Variants in HPSE2 observed in about 807,000 individuals in gnomAD.
HPSE2 encodes the protein inactive heparanase-2.
In HPSE2, 38 loss-of-function variants were observed where a neutral mutation model predicts 60.5. The observed-to-expected ratio is 0.63, with a 90% CI of 0.48 to 0.82. The LOEUF (loss-of-function observed/expected upper bound fraction) is 0.82, where lower values mean the gene tolerates loss of function less well. Among genes scored for constraint, HPSE2 ranks in the 40% least tolerant of loss-of-function variants. HPSE2 has a pLI of 0.00. For missense variants in HPSE2, 713 were observed against 740.4 expected (o/e 0.96, Z 0.43); for synonymous variants, 295 against 293.2 (o/e 1.01, Z -0.06).
At chr10:99,048,133 G>A in intron 3 of HPSE2, 4 of 938,416 alleles carry the variant, frequency 4.3e-6, no homozygotes, top group Non-Finnish European at 6.7e-6. Context: ...TCAATAAGAA[G>A]CAAATTGCTT....
At chr10:98,791,502 C>A (rs1950654063) in intron 3 of HPSE2, among the ~76,000 whole-genome samples, 1 of 152,066 alleles carries the variant, frequency 6.6e-6, no homozygotes, top group Non-Finnish European at 1.5e-5. Context: ...GGACTTTTTC[C>A]TTATAAGGAA....
At chr10:98,884,507 T>C (rs895397954) in intron 3 of HPSE2, among the ~76,000 whole-genome samples, 6 of 152,152 alleles carry the variant, frequency 3.9e-5, no homozygotes, top group Non-Finnish European at 7.4e-5. Flanking sequence ...GACTTTAAGT[T>C]GAAACCAGTG....
At chr10:98,890,687 G>A (rs1469386964) in intron 3 of HPSE2, among the ~76,000 whole-genome samples, 4 of 152,106 alleles carry the variant, frequency 2.6e-5, no homozygotes, top group African/African-American at 9.7e-5. Context: ...TCCAGGTAAA[G>A]GATAACATTA....
At chr10:98,524,453 G>T (rs1426310473) in intron 9 of HPSE2, among the ~76,000 whole-genome samples, 1 of 49,302 alleles carries the variant, frequency 2.0e-5, no homozygotes, top group Non-Finnish European at 8.6e-5. Context: ...AACTTTTTTT[G>T]AATGCAGGAA....
rs771588998 is a variant in HPSE2 at position 99,235,566 on chromosome 10, G to C, written c.237C>G (p.Leu79=). The C allele has an allele frequency of 5.6e-6, 9 of 1,614,142 alleles. No homozygotes were observed. Among genetic ancestry groups the C allele is most frequent in the South Asian group, 1.1e-5 (1 of 91,074 alleles). The change falls in exon 1 of 12, where the codon CTC becomes CTG. Residue 79 remains leucine, a synonymous_variant. Coordinates refer to ENST00000370552, the MANE Select transcript of HPSE2 (RefSeq NM_021828.5). ...TGATGGACGGATCCAGCTGCAGAGA[G>C]AGGAAGTTCTCATTGACTGTCCTGA... The part of the protein sequence containing the change: ...NPVRTVNENF[L]SLQLDPSIIH...
At chr10:99,169,403 G>A (rs1347788474) in intron 2 of HPSE2, among the ~76,000 whole-genome samples, 1 of 150,128 alleles carries the variant, frequency 6.7e-6, no homozygotes, top group Non-Finnish European at 1.5e-5. Context: ...TACTCAGGAA[G>A]GTGAGGCAGG....
chr10:98,718,466 A>G (rs989549160), intron 5 of HPSE2, among the ~76,000 whole-genome samples: 1 of 152,188 alleles, frequency 6.6e-6, no homozygotes, highest in African/African-American at 2.4e-5. Flanking sequence ...GGAAGTCAGT[A>G]TATCAAAAAT....
At chr10:99,024,145 T>A (rs985300199) in intron 3 of HPSE2, among the ~76,000 whole-genome samples, 2 of 152,078 alleles carry the variant, frequency 1.3e-5, no homozygotes, top group African/African-American at 2.4e-5. Context: ...AACAAAGAGA[T>A]TGAAATAATT....
At chr10:98,741,910 G>A (rs987934425) in intron 4 of HPSE2, among the ~76,000 whole-genome samples, 3 of 152,110 alleles carry the variant, frequency 2.0e-5, no homozygotes, top group Non-Finnish European at 4.4e-5. Context: ...AAGCTAAGTT[G>A]GGCAGAGCCT....
At chr10:98,467,200 T>C (rs1357453584) in intron 11 of HPSE2, among the ~76,000 whole-genome samples, 1 of 152,054 alleles carries the variant, frequency 6.6e-6, no homozygotes, top group Non-Finnish European at 1.5e-5. Flanking sequence ...TGTCACACAG[T>C]ATTGTGACCG....
chr10:98,526,264 T>G (rs1217936589), intron 9 of HPSE2, among the ~76,000 whole-genome samples: 1 of 152,182 alleles, frequency 6.6e-6, no homozygotes, highest in Admixed American at 6.5e-5. Flanking sequence ...ATCTTTGTCT[T>G]TTACTGTGAG....
chr10:99,087,916 C>A (rs996895641), intron 3 of HPSE2, among the ~76,000 whole-genome samples: 1 of 151,864 alleles, frequency 6.6e-6, no homozygotes, highest in Non-Finnish European at 1.5e-5. Flanking sequence ...TTCCCAGGAT[C>A]ATAAGCTATC....
At chr10:99,079,895 CAA>C (rs1344700929) in intron 3 of HPSE2, among the ~76,000 whole-genome samples, 1 of 152,086 alleles carries the variant, frequency 6.6e-6, no homozygotes. Flanking sequence ...CAGAAGTCCC[CAA>C]AAAAGTTGGA....
At chr10:99,247,632 A>G in the HPSE2 span, among the ~76,000 whole-genome samples, 3 of 152,198 alleles carry the variant, frequency 2.0e-5, no homozygotes, top group Non-Finnish European at 4.4e-5. Flanking sequence ...AGACCAATCC[A>G]TCTGCTTTCT....
chr10:98,912,144 G>A (rs1050834787), intron 3 of HPSE2, among the ~76,000 whole-genome samples: 2 of 152,142 alleles, frequency 1.3e-5, no homozygotes, highest in African/African-American at 2.4e-5. Flanking sequence ...AGGATTTGGG[G>A]ACTAATTGGA....
intron 6 of HPSE2, among the ~76,000 whole-genome samples, chr10:98,658,921 T>C (rs113232939): frequency 6.6e-6 from 1 of 151,992 alleles, no homozygotes; most frequent in Non-Finnish European, 1.5e-5. Flanking sequence ...AGTTTTTTTT[T>C]TTTTTTTAAT....
chr10:99,249,480 C>A, the HPSE2 span, among the ~76,000 whole-genome samples: 1 of 152,230 alleles, frequency 6.6e-6, no homozygotes, highest in African/African-American at 2.4e-5. Flanking sequence ...AGTGTCTGCA[C>A]CTCCATTGTA....
intron 4 of HPSE2, among the ~76,000 whole-genome samples, chr10:98,730,315 T>C (rs915282138): frequency 6.6e-6 from 1 of 152,090 alleles, no homozygotes. Context: ...AGATATGGGA[T>C]GCAGCTTAAG....
intron 11 of HPSE2, chr10:98,461,740 A>C: frequency 6.5e-7 from 1 of 1,542,714 alleles, no homozygotes; most frequent in East Asian, 2.3e-5. Flanking sequence ...ATACAGAATT[A>C]GGTGCAAACC....
Sources: allele counts gnomAD v4.1 joint callset (sites outside exome capture counted in the v4.1 genomes callset), GRCh38; gene constraint gnomAD v4.1.1; transcripts MANE v1.5; gene names NCBI Gene and HGNC (gene_info 2026-07-23, HGNC 2026-07-21).